The following GDF5 variants were observed in gnomAD, a reference collection of about 807,000 sequenced individuals.
The protein encoded by GDF5 is growth/differentiation factor 5.
Under a neutral mutation model 34.6 loss-of-function variants are expected in GDF5, and 17 were observed. That is an observed-to-expected ratio of 0.49 (90% CI 0.34 to 0.74). The LOEUF is 0.74. Ranked by LOEUF, GDF5 falls within the 30% of genes least tolerant of loss-of-function variation. GDF5 has a pLI of 0.01. For synonymous variants in GDF5, 332 were observed against 290.7 expected, an observed-to-expected ratio of 1.14 and a Z score of -1.44; for missense variants, 616 against 661.2, an observed-to-expected ratio of 0.93 and a Z score of 0.75.
At position 35,451,505 on chromosome 20, in the gene GDF5, T is replaced by C. The variant is rs150212664; in HGVS notation, c.-398+3135A>G. On this transcript the variant is annotated intron_variant, in intron 1 of 3. Coordinates refer to the GDF5 transcript ENST00000374372. ...GACTCTTGGGCCCCAAGCCAGGTGATAGGTAGGAACACCTGTTTGTACGTC... is the reference window on the plus strand; with the variant it reads ...GACTCTTGGGCCCCAAGCCAGGTGACAGGTAGGAACACCTGTTTGTACGTC... Among the ~76,000 whole-genome samples, 799 of 152,124 alleles carry C rather than the reference T, an allele frequency of 5.3e-3. 1 individual carries two copies. The highest frequency in any genetic ancestry group is 0.019 in the African/African-American group (771 of 41,502).
Position 35,433,826 on chromosome 20 carries a change from G to A in GDF5, c.*83C>T. The stretch of plus-strand genomic sequence containing the variant: ...AAGCTGTGTAGATGCTCCTGCCACA[G>A]CTTCCTGACCCCTCTGTGATTCCAG... On this transcript the variant is annotated 3_prime_UTR_variant, in exon 2 of 2. Coordinates refer to ENST00000374369, the MANE Select transcript of GDF5 (RefSeq NM_000557.5). 2 of 1,172,890 alleles carry A rather than the reference G, an allele frequency of 1.7e-6. No homozygotes were observed. Among genetic ancestry groups the A allele is most frequent in the South Asian group, 1.2e-5 (1 of 81,014 alleles). The allele number at this position is 1,172,890 out of a possible 1,614,324, so 72.7% of individuals were successfully genotyped here. A position where few individuals can be genotyped will look rare whatever the true frequency, so the allele number is the denominator to read the frequency against.
chr20:35,454,339 A>C (rs1275412067), intron 1 of GDF5, among the ~76,000 whole-genome samples: 1 of 152,086 alleles, frequency 6.6e-6, no homozygotes, highest in African/African-American at 2.4e-5. Context: ...CTGTAGTCCC[A>C]GCTACTCGGG....
At position 35,434,797 on chromosome 20, in the gene GDF5, C is replaced by T. The variant is rs1372976330; in HGVS notation, c.632-14G>A. 3.1e-6 allele frequency: 5 copies of T among 1,612,712 alleles called. No individual in the cohort carries two copies. In the South Asian group the frequency reaches 4.4e-5, roughly 14 times the overall value. ...GACCTCGGTCATCTAGAGAGAACAC[C>T]CAGAAGTCATTCCCTGCAACCTCAC... On this transcript the variant is annotated splice_polypyrimidine_tract_variant and intron_variant, in intron 1 of 1. Transcript: ENST00000374369.
rs767516649 is a variant in GDF5, at chr20:35,434,506, A to C, written c.909T>G (p.Phe303Leu). Residue 303 changes from phenylalanine to leucine, a missense_variant, in exon 2 of 2, where the codon TTT (phenylalanine) becomes TTG (leucine). Phe to Leu is a conservative substitution (Grantham distance 22, BLOSUM62 0). Transcript: ENST00000374369. The stretch of plus-strand genomic sequence containing the variant: ...CCAGGCACAGCTGGGCCGAGTTCTT[A>C]AAGTTTCGGAAGAGCTTCCAGATGT... The part of the protein sequence containing the change: ...VFDIWKLFRN[F>L]KNSAQLCLEL... 1.9e-6 allele frequency: 3 copies of C among 1,607,240 alleles called. No individual in the cohort carries two copies. The highest frequency in any genetic ancestry group is 2.2e-5 in the South Asian group (2 of 90,658).
At chr20:35,441,956 T>G (rs528681314), upstream of GDF5, among the ~76,000 whole-genome samples, 1 of 152,148 alleles carries the variant, frequency 6.6e-6, no homozygotes, top group Admixed American at 6.5e-5. Context: ...TCCTCCCACC[T>G]CAGCCTCCCA....
At chr20:35,439,145 A>G (rs937875581), upstream of GDF5, among the ~76,000 whole-genome samples, 2 of 151,156 alleles carry the variant, frequency 1.3e-5, no homozygotes, top group Non-Finnish European at 2.9e-5. Context: ...CCCAGCAGAG[A>G]CGTCCTCTGA....
upstream of GDF5, among the ~76,000 whole-genome samples, chr20:35,439,908 C>CTTTTTTTT (rs34397706): frequency 1.7e-4 from 12 of 71,632 alleles, 1 homozygote; most frequent in African/African-American, 6.6e-4. Flanking sequence ...AGGCTTCCTT[C>CTTTTTTTT]TTTTTTTTTT....
intron 1 of GDF5, among the ~76,000 whole-genome samples, chr20:35,449,799 C>T (rs778235371): frequency 5.9e-5 from 9 of 151,950 alleles, no homozygotes; most frequent in Non-Finnish European, 1.0e-4. Flanking sequence ...ACCTGGACAA[C>T]ACAGTGAGTC....
chr20:35,442,075 A>T (rs6120946), upstream of GDF5, among the ~76,000 whole-genome samples: 31,455 of 151,728 alleles, frequency 0.21, 3,318 homozygotes, highest in Middle Eastern at 0.32. Flanking sequence ...TTCTGGGCTC[A>T]AGTGATCTGC....
chr20:35,437,617 A>G lies in GDF5; in HGVS notation c.312T>C (p.Pro104=). The G allele has an allele frequency of 6.2e-7, 1 of 1,614,070 alleles. No homozygotes were observed. The highest frequency in any genetic ancestry group is 2.2e-5 in the East Asian group (1 of 44,862). ...PKKLPPRPGG[P]EPKPGHPPQT... ...GGGGAGGGTGTCCTGGCTTGGGTTC[A>G]GGGCCGCCCGGTCTGGGGGGCAGCT... The change falls in exon 1 of 2, where the codon CCT becomes CCC. Residue 104 remains proline, a synonymous_variant. Coordinates refer to ENST00000374369, the MANE Select transcript of GDF5 (RefSeq NM_000557.5).
upstream of GDF5, among the ~76,000 whole-genome samples, chr20:35,442,151 T>A (rs1273346408): frequency 6.6e-6 from 1 of 151,956 alleles, no homozygotes; most frequent in East Asian, 1.9e-4. Context: ...GAAAGTAACT[T>A]TTTTTATTTT....
At chr20:35,443,391 G>C (rs533469158) in intron 1 of GDF5, among the ~76,000 whole-genome samples, 99 of 152,226 alleles carry the variant, frequency 6.5e-4, no homozygotes, top group Non-Finnish European at 9.4e-4. Flanking sequence ...CACTGACATG[G>C]AAGTAATCTC....
At chr20:35,442,156 T>A (rs947595301), upstream of GDF5, among the ~76,000 whole-genome samples, 7 of 152,132 alleles carry the variant, frequency 4.6e-5, no homozygotes, top group African/African-American at 9.7e-5. Context: ...TAACTTTTTT[T>A]ATTTTTTTGA....
intron 1 of GDF5, among the ~76,000 whole-genome samples, chr20:35,445,412 C>A (rs1246487533): frequency 6.6e-6 from 1 of 151,912 alleles, no homozygotes; most frequent in East Asian, 1.9e-4. Context: ...CGCCTGTAAT[C>A]CTAGCACTTT....
At position 35,450,025 on chromosome 20, in the gene GDF5, G is replaced by A. The variant is rs114070181; in HGVS notation, c.-398+4615C>T. ...AAAAGAGAGAGAGAGAGAATGGGCC[G>A]GGCGTCGCGGCTCACGCCTGTAATC... On this transcript the variant is annotated intron_variant, in intron 1 of 3. Transcript: ENST00000374372. 8.3e-3 allele frequency among the ~76,000 whole-genome samples: 1,252 copies of A among 151,294 alleles called. 15 individuals carry two copies. The highest frequency in any genetic ancestry group is 0.028 in the African/African-American group (1,165 of 41,204).
chr20:35,452,012 C>A (rs919313427), intron 1 of GDF5, among the ~76,000 whole-genome samples: 1 of 152,214 alleles, frequency 6.6e-6, no homozygotes, highest in African/African-American at 2.4e-5. Context: ...CACCTCCTGT[C>A]AGTTCAGCAG....
chr20:35,434,054 T>C lies in GDF5; in HGVS notation c.1361A>G (p.Asn454Ser). The change falls in exon 2 of 2, where the codon AAC becomes AGC. Residue 454 changes from asparagine to serine, a missense_variant. Physicochemically the swap from Asn to Ser is conservative, Grantham distance 46. Coordinates refer to ENST00000374369, the MANE Select transcript of GDF5 (RefSeq NM_000557.5). ...TGGTGTGGACTCGGGGTCCATGGAG[T>C]TCATCAGGGTCTGGATGACTGCATG... is the stretch of plus-strand genomic sequence containing the variant. ...TNHAVIQTLM[N>S]SMDPESTPPT... 1.9e-6 allele frequency: 3 copies of C among 1,608,578 alleles called. No homozygotes were observed. The highest frequency in any genetic ancestry group is 2.5e-6 in the Non-Finnish European group (3 of 1,177,706).
intron 1 of GDF5, among the ~76,000 whole-genome samples, chr20:35,448,630 G>C (rs1227287473): frequency 6.6e-6 from 1 of 151,922 alleles, no homozygotes; most frequent in African/African-American, 2.4e-5. Context: ...TTTTAGTAGA[G>C]ACAGGGTTTC....
chr20:35,434,763 T>C lies in GDF5; in HGVS notation c.652A>G (p.Arg218Gly), dbSNP rs116467702. The C allele has an allele frequency of 6.2e-7, 1 of 1,611,442 alleles. No individual in the cohort carries two copies. The highest frequency in any genetic ancestry group is 8.5e-7 in the Non-Finnish European group (1 of 1,179,956). ...KGQDDRGPVVRKQRYVFDISA... is the reference protein window; with the variant it reads ...KGQDDRGPVVGKQRYVFDISA... ...ATGTCAAACACGTACCTCTGCTTCC[T>C]GACCACGGGACCTCGGTCATCTAGA... The change falls in exon 2 of 2, where the codon AGG becomes GGG. Residue 218 changes from arginine (R) to glycine (G), a missense_variant. By Grantham distance (125) the Arg-to-Gly change is moderately radical. Transcript: ENST00000374369.
Sources: allele counts gnomAD v4.1 joint callset (sites outside exome capture counted in the v4.1 genomes callset), GRCh38; gene constraint gnomAD v4.1.1; transcripts MANE v1.5; gene names NCBI Gene and HGNC (gene_info 2026-07-23, HGNC 2026-07-21).